TTC7B: variants seen among roughly 807,000 people sequenced by gnomAD.
TTC7B encodes the protein tetratricopeptide repeat domain 7B.
Under a neutral mutation model 106.8 loss-of-function variants are expected in TTC7B, and 28 were observed. The ratio of observed to expected loss-of-function variants is 0.26; its 90% CI spans 0.19 to 0.36. The LOEUF (loss-of-function observed/expected upper bound fraction) is 0.36. Ranked by LOEUF, TTC7B falls within the 10% of genes least tolerant of loss-of-function variation. The pLI is 1.00. For synonymous variants in TTC7B, 405 were observed against 430.6 expected (o/e 0.94, Z 0.74); for missense variants, 862 against 1,076.4 (o/e 0.80, Z 2.79).
intron 6 of TTC7B, among the ~76,000 whole-genome samples, chr14:90,692,360 C>T (rs763565564): frequency 1.4e-4 from 22 of 152,114 alleles, no homozygotes; most frequent in Non-Finnish European, 3.1e-4. Flanking sequence ...ACTTTCAAAT[C>T]CTTCTCTGCT....
intron 17 of TTC7B, among the ~76,000 whole-genome samples, chr14:90,603,977 CG>C (rs1240505654): frequency 6.6e-6 from 1 of 152,112 alleles, no homozygotes; most frequent in Non-Finnish European, 1.5e-5. Context: ...GAGCACTGCC[CG>C]GGACATACTC....
intron 19 of TTC7B, among the ~76,000 whole-genome samples, chr14:90,544,809 C>T (rs1486429631): frequency 2.6e-5 from 4 of 152,168 alleles, no homozygotes; most frequent in Admixed American, 2.6e-4. Context: ...CATCAAGATA[C>T]TAAATACACA....
intron 4 of TTC7B, among the ~76,000 whole-genome samples, chr14:90,733,049 G>A (rs900506140): frequency 1.3e-5 from 2 of 152,070 alleles, no homozygotes; most frequent in African/African-American, 2.4e-5. Flanking sequence ...CAGAGGCCAC[G>A]CCTATTTTAC....
chr14:90,628,832 T>C (rs1033782880), intron 15 of TTC7B, among the ~76,000 whole-genome samples: 8 of 152,262 alleles, frequency 5.3e-5, no homozygotes, highest in Non-Finnish European at 7.3e-5. Context: ...AGGGGCTGTT[T>C]GGTTTCGCAT....
At chr14:90,770,576 C>T (rs1178738869) in intron 3 of TTC7B, among the ~76,000 whole-genome samples, 1 of 151,954 alleles carries the variant, frequency 6.6e-6, no homozygotes, top group East Asian at 1.9e-4. Flanking sequence ...TCGCTTGAAC[C>T]CAGGAGGCAG....
intron 19 of TTC7B, among the ~76,000 whole-genome samples, chr14:90,559,605 C>G (rs558208447): frequency 3.6e-4 from 55 of 152,340 alleles, no homozygotes; most frequent in South Asian, 1.7e-3. Flanking sequence ...CCTACATGGA[C>G]TCGTGGTGGG....
chr14:90,742,632 G>A lies in TTC7B; in HGVS notation c.576+2160C>T, dbSNP rs2140000312. Among the ~76,000 whole-genome samples the A allele has an allele frequency of 6.6e-6, 1 of 152,276 alleles. No individual in the cohort carries two copies. Among genetic ancestry groups the A allele is most frequent in the African/African-American group, 2.4e-5 (1 of 41,570 alleles). ...CTAGTTTTGGCCTAACTTTCTGTGT[G>A]CCTGGGCTCTCCCTTTCTAGACCTC... On this transcript the variant is annotated intron_variant, in intron 4 of 19. Coordinates refer to ENST00000328459, the MANE Select transcript of TTC7B (RefSeq NM_001010854.2). This position sits in a 1 kb window ranked among gnomAD's most constrained non-coding sequence, Gnocchi z 4.1.
intron 6 of TTC7B, among the ~76,000 whole-genome samples, chr14:90,695,190 C>CATATAAAATATGTAT (rs1887685714): frequency 1.6e-4 from 7 of 44,976 alleles, no homozygotes; most frequent in Admixed American, 5.5e-4. Context: ...ATTTTATATA[C>CATATAAAATATGTAT]ATTTTAGTAT....
rs138545380 is a variant in TTC7B, at chr14:90,608,430, G to A, written c.1966+2312C>T. Among the ~76,000 whole-genome samples, 594 of 152,214 alleles carry A rather than the reference G, an allele frequency of 3.9e-3. 1 individual carries two copies. Among genetic ancestry groups the A allele is most frequent in the African/African-American group, 0.013 (547 of 41,530 alleles). ...GGTGGCAGGAGTCTCAGAAGGACTC[G>A]CGTGGATGACTCAACAATGAAACCG... On this transcript the variant is annotated intron_variant, in intron 17 of 19. Transcript: ENST00000328459. The surrounding 1 kb of genome is among the most constrained non-coding windows in gnomAD (Gnocchi z 5.1).
At chr14:90,780,490 G>GAAAGAAAGAAAGAAAGAAAGAAAGAAA (rs1891182016) in intron 3 of TTC7B, among the ~76,000 whole-genome samples, 9 of 147,550 alleles carry the variant, frequency 6.1e-5, no homozygotes, top group East Asian at 4.0e-4. Context: ...AAGAAAGAAA[G>GAAAGAAAGAAAGAAAGAAAGAAAGAAA]GAAAGAAACT....
At chr14:90,709,995 A>AG (rs1888380004) in intron 5 of TTC7B, among the ~76,000 whole-genome samples, 1 of 150,310 alleles carries the variant, frequency 6.7e-6, no homozygotes, top group Non-Finnish European at 1.5e-5. Flanking sequence ...AAAAAAAAAA[A>AG]GAAAAGAAAT....
At chr14:90,562,259 C>G (rs889058205) in intron 19 of TTC7B, among the ~76,000 whole-genome samples, 2 of 152,180 alleles carry the variant, frequency 1.3e-5, no homozygotes, top group Non-Finnish European at 2.9e-5. Context: ...CCCTCATGTT[C>G]GTGAAGGCAT....
intron 15 of TTC7B, among the ~76,000 whole-genome samples, chr14:90,623,770 C>G (rs1162151426): frequency 6.6e-6 from 1 of 152,228 alleles, no homozygotes; most frequent in Non-Finnish European, 1.5e-5. Flanking sequence ...CCTGTTGTCC[C>G]AGCACCTTGG....
At chr14:90,687,985 C>T (rs1887312623) in intron 7 of TTC7B, among the ~76,000 whole-genome samples, 1 of 152,236 alleles carries the variant, frequency 6.6e-6, no homozygotes. Context: ...CAGTCATTTT[C>T]AGATGTTTGA....
At chr14:90,605,698 A>G in intron 17 of TTC7B, 1 of 1,289,084 alleles carries the variant, frequency 7.8e-7, no homozygotes, top group Non-Finnish European at 1.0e-6. Flanking sequence ...AGAAGACACA[A>G]ACAGGTGGAG....
chr14:90,617,986 A>C lies in TTC7B; in HGVS notation c.1811T>G (p.Leu604Arg), dbSNP rs750368060. 3 of 1,614,060 alleles carry C rather than the reference A, an allele frequency of 1.9e-6. No individual in the cohort carries two copies. Among genetic ancestry groups the C allele is most frequent in the Non-Finnish European group, 1.7e-6 (2 of 1,179,904 alleles). ...TATCTGCAGCATGTGCTTACAAGTCAGCAGTGCCTCGTCCGGGCCTCGGCA... is the reference window on the plus strand; with the variant it reads ...TATCTGCAGCATGTGCTTACAAGTCCGCAGTGCCTCGTCCGGGCCTCGGCA... ...SLCRGPDEAL[L>R]TCKHMLQIWK... Residue 604 changes from leucine (L) to arginine (R), a missense_variant, in exon 16 of 20, where the codon CTG becomes CGG. Coordinates refer to ENST00000328459, the MANE Select transcript of TTC7B (RefSeq NM_001010854.2).
intron 18 of TTC7B, among the ~76,000 whole-genome samples, chr14:90,589,401 T>C (rs1484763592): frequency 6.6e-6 from 1 of 152,218 alleles, no homozygotes; most frequent in Admixed American, 6.5e-5. Flanking sequence ...AATTATCCTA[T>C]GCACATCCTC....
At chr14:90,767,041 A>AG (rs1295365483) in intron 3 of TTC7B, 18 of 830,674 alleles carry the variant, frequency 2.2e-5, no homozygotes, top group East Asian at 1.7e-4. Flanking sequence ...AAAAAAAAAA[A>AG]AAAAGAAAGA....
chr14:90,711,434 T>C (rs995490982), intron 5 of TTC7B, among the ~76,000 whole-genome samples: 5 of 152,194 alleles, frequency 3.3e-5, no homozygotes, highest in Admixed American at 6.5e-5. Context: ...AGAATTATTT[T>C]TTCTCCCGAT....
Sources: allele counts gnomAD v4.1 joint callset (sites outside exome capture counted in the v4.1 genomes callset), GRCh38; gene constraint gnomAD v4.1.1; non-coding constraint Gnocchi (gnomAD v3.1); transcripts MANE v1.5; gene names NCBI Gene and HGNC (gene_info 2026-07-23, HGNC 2026-07-21).